SH3GL2: variants seen among roughly 807,000 people sequenced by gnomAD.
The protein encoded by SH3GL2 is SH3 domain containing GRB2 like 2, endophilin A1.
A neutral mutation model predicts 46.0 loss-of-function variants in SH3GL2; 24 were observed. That is an observed-to-expected ratio of 0.52 (90% CI 0.38 to 0.73). The LOEUF (loss-of-function observed/expected upper bound fraction) is 0.73, where lower values mean the gene tolerates loss of function less well. Among genes scored for constraint, SH3GL2 ranks in the 30% least tolerant of loss-of-function variants. SH3GL2 has a pLI of 0.00. For synonymous variants in SH3GL2, 196 were observed against 147.1 expected, an observed-to-expected ratio of 1.33 and a Z score of -2.40; for missense variants, 413 against 424.2, an observed-to-expected ratio of 0.97 and a Z score of 0.23.
chr9:17,718,383 T>C (rs1426336406), intron 1 of SH3GL2, among the ~76,000 whole-genome samples: 1 of 152,138 alleles, frequency 6.6e-6, no homozygotes, highest in Admixed American at 6.6e-5. Flanking sequence ...TTTGGGAAAG[T>C]ACACAATGTG....
intron 1 of SH3GL2, chr9:17,590,056 T>TTACC (rs1818451635): frequency 6.6e-6 from 1 of 152,160 alleles, no homozygotes. Flanking sequence ...TGTATCTGAG[T>TTACC]GGTAAGTAAC....
chr9:17,775,864 A>T (rs763518674), intron 3 of SH3GL2, among the ~76,000 whole-genome samples: 2 of 152,058 alleles, frequency 1.3e-5, no homozygotes, highest in African/African-American at 2.4e-5. Flanking sequence ...GTGTTCATCA[A>T]CTCACACCAA....
chr9:17,680,134 C>G (rs1820729561), intron 1 of SH3GL2, among the ~76,000 whole-genome samples: 1 of 152,112 alleles, frequency 6.6e-6, no homozygotes, highest in Non-Finnish European at 1.5e-5. Context: ...CAGGATGATG[C>G]TGGCCTCATA....
chr9:17,601,478 G>C (rs1818671871), intron 1 of SH3GL2, among the ~76,000 whole-genome samples: 1 of 152,084 alleles, frequency 6.6e-6, no homozygotes, highest in Non-Finnish European at 1.5e-5. Context: ...TCTGCAGTTT[G>C]GTTCTCTGGA....
At chr9:17,769,569 C>G (rs1823412347) in intron 3 of SH3GL2, among the ~76,000 whole-genome samples, 1 of 152,092 alleles carries the variant, frequency 6.6e-6, no homozygotes, top group Non-Finnish European at 1.5e-5. Context: ...ACACTCTTCT[C>G]CAGCTCCTGT....
chr9:17,669,428 C>T (rs1820420495), intron 1 of SH3GL2, among the ~76,000 whole-genome samples: 1 of 152,200 alleles, frequency 6.6e-6, no homozygotes, highest in African/African-American at 2.4e-5. Flanking sequence ...TACCCACTTC[C>T]TCTTTCATCT....
At chr9:17,587,352 G>T (rs774928084) in intron 1 of SH3GL2, among the ~76,000 whole-genome samples, 1 of 152,202 alleles carries the variant, frequency 6.6e-6, no homozygotes, top group African/African-American at 2.4e-5. Flanking sequence ...CTGCCTGCCA[G>T]TAGAGGAAGT....
chr9:17,780,304 T>G (rs1823765014), intron 3 of SH3GL2, among the ~76,000 whole-genome samples: 1 of 152,114 alleles, frequency 6.6e-6, no homozygotes, highest in South Asian at 2.1e-4. Context: ...GAACATGTAT[T>G]CTTTTGATCT....
intron 2 of SH3GL2, chr9:17,755,751 G>T: frequency 1.0e-6 from 1 of 983,862 alleles, no homozygotes; most frequent in Non-Finnish European, 1.2e-6. Context: ...CAGTCCTTTT[G>T]TTGCTCCACA....
chr9:17,740,932 C>T lies in SH3GL2; in HGVS notation c.46-6134C>T, dbSNP rs866027031. On this transcript the variant is annotated intron_variant, in intron 1 of 8. Transcript: ENST00000380607. ...AAGAGTTTAGGCATTTTCTTTTTCA[C>T]GCAACTATTAGGTGACATTTCCAAG... is the stretch of plus-strand genomic sequence containing the variant. Among the ~76,000 whole-genome samples, 5 of 152,104 alleles carry T rather than the reference C, an allele frequency of 3.3e-5. 1 individual carries two copies. The highest frequency in any genetic ancestry group is 4.2e-4 in the South Asian group (2 of 4,814).
intron 1 of SH3GL2, among the ~76,000 whole-genome samples, chr9:17,587,665 G>A (rs1033160158): frequency 4.6e-5 from 7 of 152,114 alleles, no homozygotes; most frequent in Non-Finnish European, 8.8e-5. Context: ...GTCACCTGAG[G>A]CCAGGGGTTC....
chr9:17,667,077 T>C (rs115685984), intron 1 of SH3GL2, among the ~76,000 whole-genome samples: 4,745 of 152,268 alleles, frequency 0.031, 139 homozygotes, highest in African/African-American at 0.075. Flanking sequence ...GTCTTTTGGC[T>C]GTTTTTTACA....
At chr9:17,657,489 T>G (rs1015026100) in intron 1 of SH3GL2, among the ~76,000 whole-genome samples, 2 of 152,156 alleles carry the variant, frequency 1.3e-5, no homozygotes, top group East Asian at 3.9e-4. Flanking sequence ...GATTTTGGTG[T>G]TATTCTAATT....
chr9:17,627,048 C>G (rs986051525), intron 1 of SH3GL2, among the ~76,000 whole-genome samples: 5 of 152,298 alleles, frequency 3.3e-5, no homozygotes, highest in African/African-American at 1.2e-4. Flanking sequence ...ATTGTCACAA[C>G]TACCCTGTAT....
chr9:17,651,526 T>C (rs1819959665), intron 1 of SH3GL2, among the ~76,000 whole-genome samples: 1 of 152,218 alleles, frequency 6.6e-6, no homozygotes, highest in Non-Finnish European at 1.5e-5. Context: ...CTTCACTTTG[T>C]GTATATTGGT....
chr9:17,679,019 GTT>G (rs1820691828), intron 1 of SH3GL2, among the ~76,000 whole-genome samples: 1 of 152,126 alleles, frequency 6.6e-6, no homozygotes, highest in Non-Finnish European at 1.5e-5. Flanking sequence ...GTACCATGCT[GTT>G]TTGGTTACTG....
chr9:17,692,190 A>G (rs1001496732), intron 1 of SH3GL2, among the ~76,000 whole-genome samples: 3 of 152,022 alleles, frequency 2.0e-5, no homozygotes, highest in South Asian at 2.1e-4. Context: ...GGTGCTTGCT[A>G]TGTATGGATA....
chr9:17,588,290 G>A (rs943802935), intron 1 of SH3GL2, among the ~76,000 whole-genome samples: 1 of 152,162 alleles, frequency 6.6e-6, no homozygotes, highest in Non-Finnish European at 1.5e-5. Context: ...ACGATTGTTG[G>A]TGACTCTTGC....
At chr9:17,640,770 T>A (rs1819661081) in intron 1 of SH3GL2, among the ~76,000 whole-genome samples, 1 of 152,260 alleles carries the variant, frequency 6.6e-6, no homozygotes, top group African/African-American at 2.4e-5. Context: ...ATTTATTCAT[T>A]TACTTACTAT....
Sources: gnomAD v4.1 joint callset for allele counts (sites outside exome capture counted in the v4.1 genomes callset) on GRCh38, gnomAD v4.1.1 for gene constraint, MANE v1.5 for transcripts, NCBI Gene and HGNC (gene_info 2026-07-23, HGNC 2026-07-21) for gene names.